Variants in PINX1 observed in about 807,000 individuals in gnomAD.
The protein encoded by PINX1 is PIN2/TERF1-interacting telomerase inhibitor 1.
In PINX1, 34 loss-of-function variants were observed where a neutral mutation model predicts 25.4. The observed-to-expected ratio is 1.34, with a 90% CI of 1.02 to 1.78. The LOEUF (loss-of-function observed/expected upper bound fraction) is 1.78, where lower values mean the gene tolerates loss of function less well. Among genes scored for constraint, PINX1 ranks in the 40% most tolerant of loss-of-function variants. The pLI is 0.00. For synonymous variants in PINX1, 197 were observed against 147.7 expected, an observed-to-expected ratio of 1.33 and a Z score of -2.42; for missense variants, 592 against 404.9, an observed-to-expected ratio of 1.46 and a Z score of -3.97.
chr8:10,818,152 C>T (rs540040122), intron 6 of PINX1, among the ~76,000 whole-genome samples: 4 of 152,186 alleles, frequency 2.6e-5, no homozygotes, highest in East Asian at 3.9e-4. Flanking sequence ...AAATTTATCA[C>T]TGGAAGAAAA....
chr8:10,785,154 C>G (rs985753396), intron 6 of PINX1, among the ~76,000 whole-genome samples: 1 of 152,282 alleles, frequency 6.6e-6, no homozygotes, highest in Non-Finnish European at 1.5e-5. Context: ...CTGGTTGTTA[C>G]AAAGTAGTTC....
chr8:10,814,065 T>C (rs1217059559), intron 6 of PINX1, among the ~76,000 whole-genome samples: 2 of 152,202 alleles, frequency 1.3e-5, no homozygotes, highest in Non-Finnish European at 2.9e-5. Context: ...AAGTACCTGC[T>C]GCAGGTCTCA....
intron 6 of PINX1, among the ~76,000 whole-genome samples, chr8:10,809,249 A>G (rs1802549817): frequency 6.6e-6 from 1 of 152,242 alleles, no homozygotes; most frequent in South Asian, 2.1e-4. Flanking sequence ...ACCCCTAAGG[A>G]GCAAGTGGCT....
rs1798267430 is a variant in PINX1, at chr8:10,832,917, C to A, written c.197G>T (p.Gly66Val). The change falls in exon 3 of 7, where the codon GGA (glycine) becomes GTA (valine). Residue 66 changes from glycine to valine, a missense_variant. Gly to Val is a moderately radical substitution (Grantham distance 109). Transcript: ENST00000314787. ...IKVQVKNNHL[G>V]LGATINNEDN... ...TTCATTATTGATGGTAGCTCCGAGTCCCAGGTGGTTATTTTTCACTTGAAC... is the reference window on the plus strand; with the variant it reads ...TTCATTATTGATGGTAGCTCCGAGTACCAGGTGGTTATTTTTCACTTGAAC... 1.2e-6 allele frequency: 2 copies of A among 1,611,326 alleles called. No homozygotes were observed. The highest frequency in any genetic ancestry group is 1.7e-6 in the Non-Finnish European group (2 of 1,177,966).
In PINX1 at chr8:10,819,954, A is replaced by G. The variant is rs192895970; in HGVS notation, c.471+239T>C. ...TTTAATCTAGTCCTCACACCAAAAC[A>G]AAAAGAACAAAAGCCAAACACCAGA... is the stretch of plus-strand genomic sequence containing the variant. On this transcript the variant is annotated intron_variant, in intron 6 of 6. Coordinates refer to ENST00000314787, the MANE Select transcript of PINX1 (RefSeq NM_017884.6). 1.6e-3 allele frequency among the ~76,000 whole-genome samples: 237 copies of G among 152,350 alleles called. 1 individual carries two copies. Among genetic ancestry groups the G allele is most frequent in the African/African-American group, 5.4e-3 (226 of 41,572 alleles).
chr8:10,838,766 T>C (rs1043362461), intron 1 of PINX1, among the ~76,000 whole-genome samples: 6 of 152,236 alleles, frequency 3.9e-5, no homozygotes, highest in African/African-American at 1.4e-4. Flanking sequence ...AACATAAAGA[T>C]ACAGAGATAA....
chr8:10,770,382 C>T (rs910719391), intron 6 of PINX1, among the ~76,000 whole-genome samples: 2 of 152,194 alleles, frequency 1.3e-5, no homozygotes, highest in African/African-American at 2.4e-5. Context: ...GGCAAGCTGA[C>T]CCTGCAGAGA....
intron 6 of PINX1, among the ~76,000 whole-genome samples, chr8:10,804,282 C>T (rs1802365338): frequency 1.3e-5 from 2 of 152,204 alleles, no homozygotes; most frequent in Non-Finnish European, 2.9e-5. Flanking sequence ...GAGCCTAGAA[C>T]AGTACCTAGC....
intron 6 of PINX1, among the ~76,000 whole-genome samples, chr8:10,778,826 T>C (rs906980718): frequency 6.6e-6 from 1 of 152,228 alleles, no homozygotes; most frequent in African/African-American, 2.4e-5. Context: ...TTAAATCTCA[T>C]AGTTAAATCT....
chr8:10,823,052 GGAAA>G (rs1797924879), intron 5 of PINX1, among the ~76,000 whole-genome samples: 1 of 152,184 alleles, frequency 6.6e-6, no homozygotes, highest in African/African-American at 2.4e-5. Flanking sequence ...CCAGGAAAGT[GGAAA>G]GAGTCAGTGT....
chr8:10,820,712 C>T (rs1043094370), intron 5 of PINX1, among the ~76,000 whole-genome samples: 1 of 152,106 alleles, frequency 6.6e-6, no homozygotes, highest in African/African-American at 2.4e-5. Context: ...CAGCTCCAGA[C>T]CCCACATATG....
chr8:10,818,412 C>T (rs1489323999), intron 6 of PINX1, among the ~76,000 whole-genome samples: 1 of 152,184 alleles, frequency 6.6e-6, no homozygotes, highest in Non-Finnish European at 1.5e-5. Context: ...CCAATAAATT[C>T]TCAAACAGAA....
chr8:10,825,376 A>T (rs372553208), intron 5 of PINX1: 12 of 534,704 alleles, frequency 2.2e-5, no homozygotes, highest in Non-Finnish European at 4.6e-5. Flanking sequence ...TAGATATTAC[A>T]GCATCAGCAG....
At chr8:10,836,288 A>T (rs190186775) in intron 1 of PINX1, among the ~76,000 whole-genome samples, 1 of 152,228 alleles carries the variant, frequency 6.6e-6, no homozygotes, top group Non-Finnish European at 1.5e-5. Context: ...TTTTGCAGAA[A>T]AAAAAAGGTG....
At chr8:10,774,947 G>C (rs1055013321) in intron 6 of PINX1, among the ~76,000 whole-genome samples, 17 of 151,414 alleles carry the variant, frequency 1.1e-4, no homozygotes, top group African/African-American at 4.2e-4. Flanking sequence ...TAATACATCA[G>C]ACAGTGTTCT....
chr8:10,795,925 C>G (rs1802070421), intron 6 of PINX1, among the ~76,000 whole-genome samples: 1 of 151,826 alleles, frequency 6.6e-6, no homozygotes, highest in Non-Finnish European at 1.5e-5. Context: ...CTGAACAAAG[C>G]TTTGTATGGA....
At chr8:10,792,571 T>C (rs985937344) in intron 6 of PINX1, among the ~76,000 whole-genome samples, 1 of 152,016 alleles carries the variant, frequency 6.6e-6, no homozygotes, top group Non-Finnish European at 1.5e-5. Context: ...GAGAAACAGA[T>C]GAAGTAAAGC....
At chr8:10,802,315 A>G (rs1802291032) in intron 6 of PINX1, among the ~76,000 whole-genome samples, 2 of 152,166 alleles carry the variant, frequency 1.3e-5, no homozygotes, top group South Asian at 2.1e-4. Context: ...ACTTACACAC[A>G]GCAGGTCACT....
At position 10,824,039 on chromosome 8, in the gene PINX1, A is replaced by T. The variant is rs776933703; in HGVS notation, c.394+2113T>A. On this transcript the variant is annotated intron_variant, in intron 5 of 6. Transcript: ENST00000314787. ...ACTAAGTGAATGAGTTACAGTCGTT[A>T]TCAGCATACCCACTGGCGAAAATCT... Among the ~76,000 whole-genome samples, 34 of 152,220 alleles carry T rather than the reference A, an allele frequency of 2.2e-4. 1 individual carries two copies. Among genetic ancestry groups the T allele is most frequent in the Admixed American group, 1.3e-4 (2 of 15,290 alleles).
Sources: gnomAD v4.1 joint callset for allele counts (sites outside exome capture counted in the v4.1 genomes callset) on GRCh38, gnomAD v4.1.1 for gene constraint, MANE v1.5 for transcripts, NCBI Gene and HGNC (gene_info 2026-07-23, HGNC 2026-07-21) for gene names.